Variants in ACBD4 observed in about 807,000 individuals in gnomAD.
The protein encoded by ACBD4 is acyl-CoA binding domain containing 4.
Under a neutral mutation model 46.0 loss-of-function variants are expected in ACBD4, and 41 were observed. The ratio of observed to expected loss-of-function variants is 0.89; its 90% confidence interval spans 0.69 to 1.16. The LOEUF (loss-of-function observed/expected upper bound fraction) is 1.16. Among genes scored for constraint, ACBD4 ranks in the 50% most tolerant of loss-of-function variants. The pLI is 0.00. For missense variants in ACBD4, 393 were observed against 399.5 expected (o/e 0.98, Z 0.14); for synonymous variants, 162 against 155.9 (o/e 1.04, Z -0.29).
chr17:45,137,976 C>T lies in ACBD4; in HGVS notation c.637C>T (p.Pro213Ser). The change falls in exon 8 of 10, where the codon CCC (proline) becomes TCC (serine). Residue 213 changes from proline (P) to serine (S), a missense_variant. Pro to Ser is a moderately conservative substitution (Grantham distance 74). This residue lies in a region of ACBD4 where 308 missense variants were observed against 301.8 expected (regional missense o/e 1.02). Transcript: ENST00000321854. Reference sequence around the variant, plus strand: ...TGATCCCAGGAACAGCCCCGTGCCCCCCACAAAGAAAGGTGAGCTCCTACC... The same window carrying T: ...TGATCCCAGGAACAGCCCCGTGCCCTCCACAAAGAAAGGTGAGCTCCTACC... The part of the protein sequence containing the change: ...KRDPRNSPVP[P>S]TKKEGLRGSP... The T allele has an allele frequency of 1.2e-6, 2 of 1,613,540 alleles. No homozygotes were observed. Among genetic ancestry groups the T allele is most frequent in the Non-Finnish European group, 1.7e-6 (2 of 1,179,906 alleles).
intron 8 of ACBD4, 86 bp from the exon 9 acceptor site, chr17:45,138,935 T>C (rs2055074946): frequency 6.8e-7 from 1 of 1,468,858 alleles, no homozygotes; most frequent in Non-Finnish European, 9.3e-7. Context: ...TCCTACACTT[T>C]CCTGGGCTTG....
intron 8 of ACBD4, chr17:45,138,352 C>CCTG: frequency 8.2e-6 from 3 of 363,732 alleles, no homozygotes; most frequent in South Asian, 3.6e-5. Flanking sequence ...GAGTTCTGCC[C>CCTG]TCTTCCCTTC....
At chr17:45,133,992 A>G (rs1567891688), upstream of ACBD4, among the ~76,000 whole-genome samples, 1 of 152,232 alleles carries the variant, frequency 6.6e-6, no homozygotes, top group Non-Finnish European at 1.5e-5. Flanking sequence ...GACACTTAAT[A>G]GTTGCAGAGA....
At position 45,143,698 on chromosome 17, in the gene ACBD4, C is replaced by T; in HGVS notation, c.*127C>T. The T allele has an allele frequency of 6.6e-6, 10 of 1,518,104 alleles. No individual in the cohort carries two copies. The highest frequency in any genetic ancestry group is 9.0e-6 in the Non-Finnish European group (10 of 1,111,182). The allele number at this position is 1,518,104 out of a possible 1,614,324, so 94.0% of individuals were successfully genotyped here. A position where few individuals can be genotyped will look rare whatever the true frequency, so the allele number is the denominator to read the frequency against. On this transcript the variant is annotated 3_prime_UTR_variant, in exon 10 of 10. Transcript: ENST00000321854. ...AGTGTTTGCCTTCGCACCTCCTCCC[C>T]TAAAGCAGCGCGGGGGGCAAATAAG...
intron 2 of ACBD4, 89 bp from the exon 3 acceptor site, chr17:45,136,411 T>A: frequency 6.7e-7 from 1 of 1,498,784 alleles, no homozygotes; most frequent in South Asian, 1.2e-5. Context: ...CATCACCACC[T>A]CTGCCCTTTC....
chr17:45,141,685 C>G (rs2055281214), intron 9 of ACBD4, among the ~76,000 whole-genome samples: 1 of 152,080 alleles, frequency 6.6e-6, no homozygotes. Context: ...CAAAAAACCA[C>G]AACATTTTGG....
At chr17:45,137,636 G>A (rs2054945785) in intron 6 of ACBD4, 124 bp from the exon 7 acceptor site, 1 of 1,344,322 alleles carries the variant, frequency 7.4e-7, no homozygotes, top group East Asian at 2.3e-5. Context: ...TGTGCCTCAG[G>A]TGTTGATATC....
At chr17:45,141,256 A>G (rs76927055) in intron 9 of ACBD4, among the ~76,000 whole-genome samples, 7,519 of 152,102 alleles carry the variant, frequency 0.049, 266 homozygotes, top group Middle Eastern at 0.078. Flanking sequence ...TCTCCTTGCT[A>G]TTGACTTGCT....
chr17:45,138,703 G>A (rs1046330178), intron 8 of ACBD4, among the ~76,000 whole-genome samples: 1 of 151,622 alleles, frequency 6.6e-6, no homozygotes, highest in Non-Finnish European at 1.5e-5. Flanking sequence ...CAGGAGAATC[G>A]CTTGAATCCA....
Position 45,136,126 on chromosome 17 carries a change from C to A in ACBD4, c.-19C>A, listed in dbSNP as rs1160017530. On this transcript the variant is annotated 5_prime_UTR_variant, in exon 2 of 10. Transcript: ENST00000321854. ...CTTGCAGAGTCGCTCAAAAGTAGGG[C>A]CCCAGGGCTCGCAGCAGCATGGGCA... is the stretch of plus-strand genomic sequence containing the variant. 6.2e-7 allele frequency: 1 copy of A among 1,611,854 alleles called. No homozygotes were observed. Among genetic ancestry groups the A allele is most frequent in the Non-Finnish European group, 8.5e-7 (1 of 1,179,458 alleles).
Position 45,139,266 on chromosome 17 carries a change from A to G in ACBD4, c.789+106A>G, listed in dbSNP as rs1468578588. 7 of 1,160,880 alleles carry G rather than the reference A, an allele frequency of 6.0e-6. No individual in the cohort carries two copies. In the Admixed American group the frequency reaches 1.3e-4, roughly 22 times the overall value. 71.9% of individuals were successfully genotyped at this position (1,160,880 alleles called of 1,614,324 possible). ...TTTGTCCTCACGCCTCCACCTGCCC[A>G]CATCTCTCTCCAGAGAATGGCATGG... is the stretch of plus-strand genomic sequence containing the variant. On this transcript the variant is annotated intron_variant, in intron 9 of 9. Coordinates refer to ENST00000321854, the MANE Select transcript of ACBD4 (RefSeq NM_001135705.3).
Position 45,136,918 on chromosome 17 carries a change from T to C in ACBD4, c.295-101T>C, listed in dbSNP as rs1598073690. On this transcript the variant is annotated intron_variant, in intron 4 of 9. Coordinates refer to ENST00000321854, the MANE Select transcript of ACBD4 (RefSeq NM_001135705.3). Reference sequence around the variant, plus strand: ...TGTTACCCCCAACCCTGCCTATCTTTGGCCCCTGACTGGGCACAGGGTGGA... The same window carrying C: ...TGTTACCCCCAACCCTGCCTATCTTCGGCCCCTGACTGGGCACAGGGTGGA... The C allele has an allele frequency of 1.3e-5, 21 of 1,594,922 alleles. No individual in the cohort carries two copies. In the East Asian group the frequency reaches 4.7e-4, roughly 36 times the overall value.
At chr17:45,138,518 C>T (rs139281438) in intron 8 of ACBD4, 409 of 184,110 alleles carry the variant, frequency 2.2e-3, no homozygotes, top group Middle Eastern at 7.8e-3. Context: ...TGGCCGGGCA[C>T]GATGGCTCAC....
intron 9 of ACBD4, among the ~76,000 whole-genome samples, chr17:45,140,253 G>A (rs1398165013): frequency 2.7e-5 from 4 of 150,314 alleles, no homozygotes; most frequent in Non-Finnish European, 4.4e-5. Flanking sequence ...GCATGATCTC[G>A]GCTCACTGCA....
At position 45,137,153 on chromosome 17, in the gene ACBD4, G is replaced by A; in HGVS notation, c.415+14G>A. ...GAAGGGTCACAGGTCAGACTCCCAG[G>A]CTGGGAGCTCCAAAAGTGCTGAGTG... On this transcript the variant is annotated intron_variant, in intron 5 of 9. Transcript: ENST00000321854. The A allele has an allele frequency of 6.2e-7, 1 of 1,613,952 alleles. No individual in the cohort carries two copies. The highest frequency in any genetic ancestry group is 1.3e-5 in the African/African-American group (1 of 75,034).
chr17:45,133,520 CTTTTTTTTTTTT>C (rs10569248), upstream of ACBD4, among the ~76,000 whole-genome samples: 9 of 73,846 alleles, frequency 1.2e-4, no homozygotes, highest in Admixed American at 5.4e-4. Flanking sequence ...CCTGAATTTT[CTTTTTTTTTTTT>C]TTTTTTTTTT....
At chr17:45,142,571 T>G (rs2055357554) in intron 9 of ACBD4, 1 of 266,038 alleles carries the variant, frequency 3.8e-6, no homozygotes, top group African/African-American at 2.4e-5. Context: ...TTTTTTTTTT[T>G]TTGAGATGCA....
At chr17:45,143,220 G>A (rs958546903) in intron 9 of ACBD4, among the ~76,000 whole-genome samples, 1 of 152,174 alleles carries the variant, frequency 6.6e-6, no homozygotes, top group Middle Eastern at 3.2e-3. Context: ...CCCTCTACCC[G>A]CAGCCCCGCC....
At chr17:45,142,212 G>A (rs989639357) in intron 9 of ACBD4, among the ~76,000 whole-genome samples, 1 of 151,710 alleles carries the variant, frequency 6.6e-6, no homozygotes, top group African/African-American at 2.4e-5. Context: ...GACCAACATG[G>A]TGAAACCCTG....
Sources: allele counts gnomAD v4.1 joint callset (sites outside exome capture counted in the v4.1 genomes callset), GRCh38; gene constraint gnomAD v4.1.1; regional missense constraint gnomAD v4.1.1; transcripts MANE v1.5; gene names NCBI Gene and HGNC (gene_info 2026-07-23, HGNC 2026-07-21).